The following MPHOSPH9 variants were observed in gnomAD, a reference collection of about 807,000 sequenced individuals.
MPHOSPH9 encodes the protein M-phase phosphoprotein 9.
A neutral mutation model predicts 145.5 loss-of-function variants in MPHOSPH9; 88 were observed. The ratio of observed to expected loss-of-function variants is 0.60; its 90% CI spans 0.51 to 0.72. The LOEUF (loss-of-function observed/expected upper bound fraction) is 0.72. MPHOSPH9 is among the 30% of genes least tolerant of loss of function. The pLI is 0.00. For missense variants in MPHOSPH9, 1,238 were observed against 1,386.6 expected (o/e 0.89, Z 1.70); for synonymous variants, 435 against 486.2 (o/e 0.89, Z 1.39).
chr12:123,226,457 T>A (rs1009211935), intron 3 of MPHOSPH9: 12 of 294,768 alleles, frequency 4.1e-5, no homozygotes, highest in African/African-American at 2.7e-4. Flanking sequence ...TATAAAAAAC[T>A]ATCAAATCCA....
At chr12:123,218,903 T>C (rs1338042613) in intron 5 of MPHOSPH9, among the ~76,000 whole-genome samples, 2 of 151,700 alleles carry the variant, frequency 1.3e-5, no homozygotes, top group Non-Finnish European at 2.9e-5. Context: ...TTTTGTTTGT[T>C]TGTTTGTTTG....
intron 6 of MPHOSPH9, among the ~76,000 whole-genome samples, chr12:123,215,757 C>T (rs1335084814): frequency 6.6e-6 from 1 of 152,162 alleles, no homozygotes; most frequent in African/African-American, 2.4e-5. Context: ...TATCAGGTCC[C>T]TCATGAAACT....
At chr12:123,213,577 G>T (rs2046836244) in intron 7 of MPHOSPH9, among the ~76,000 whole-genome samples, 1 of 152,044 alleles carries the variant, frequency 6.6e-6, no homozygotes, top group Non-Finnish European at 1.5e-5. Flanking sequence ...GGCCTCAAGC[G>T]ATCCTCATAC....
chr12:123,189,185 A>G (rs1652519923), intron 13 of MPHOSPH9, among the ~76,000 whole-genome samples: 1 of 152,184 alleles, frequency 6.6e-6, no homozygotes, highest in Non-Finnish European at 1.5e-5. Context: ...ACCTAACCAC[A>G]TAGAGAGGAA....
chr12:123,195,207 T>C (rs979686776), intron 12 of MPHOSPH9, among the ~76,000 whole-genome samples: 4 of 152,178 alleles, frequency 2.6e-5, no homozygotes, highest in Non-Finnish European at 5.9e-5. Flanking sequence ...AGGGAAATTA[T>C]TTGAAAGTAT....
chr12:123,224,199 A>T (rs1221482336), intron 3 of MPHOSPH9, among the ~76,000 whole-genome samples: 3 of 138,592 alleles, frequency 2.2e-5, no homozygotes, highest in South Asian at 4.4e-4. Flanking sequence ...CAGTGGCATG[A>T]TCTCGGCTCA....
intron 3 of MPHOSPH9, among the ~76,000 whole-genome samples, chr12:123,224,623 C>T (rs1357091216): frequency 2.6e-5 from 4 of 152,146 alleles, no homozygotes; most frequent in Non-Finnish European, 5.9e-5. Flanking sequence ...TCTGTGAGGT[C>T]ACGGTCATGA....
At chr12:123,163,758 C>T (rs1005590896) in intron 19 of MPHOSPH9, 192 bp downstream of exon 19, 2 of 505,188 alleles carry the variant, frequency 4.0e-6, no homozygotes, top group South Asian at 4.9e-5. Flanking sequence ...TCTTCATTTA[C>T]ATTTGTAGTA....
chr12:123,212,595 T>A (rs897748179), intron 7 of MPHOSPH9, among the ~76,000 whole-genome samples: 1 of 151,280 alleles, frequency 6.6e-6, no homozygotes, highest in African/African-American at 2.4e-5. Context: ...TAATCCCAGT[T>A]TGGGAAGCTG....
At position 123,218,539 on chromosome 12, in the gene MPHOSPH9, G is replaced by A. The variant is rs1287462427; in HGVS notation, c.873-40C>T. On this transcript the variant is annotated intron_variant, in intron 5 of 23. Transcript: ENST00000606320. ...AAAACCAAAATTACTTTTTTTTTTT[G>A]TTTTGAGACAGAGTCTTGCTGTGTC... is the stretch of plus-strand genomic sequence containing the variant. 1.9e-6 allele frequency: 3 copies of A among 1,574,948 alleles called. No individual in the cohort carries two copies. The South Asian group carries it at 3.4e-5, about 18-fold the overall frequency.
rs2047205296 is a variant in MPHOSPH9, at chr12:123,221,654, C to T, written c.590G>A (p.Ser197Asn). 6.2e-7 allele frequency: 1 copy of T among 1,614,084 alleles called. No individual in the cohort carries two copies. Among genetic ancestry groups the T allele is most frequent in the African/African-American group, 1.3e-5 (1 of 74,940 alleles). ...TGAGATACAAAAGGTGCCATATCCA[C>T]TGCTTACTGAGCAACTATCCACATT... ...DCNVDSCSVS[S>N]GYGTFCISEL... is the part of the protein sequence containing the mutation. The change falls in exon 5 of 24, where the codon AGT (serine) becomes AAT (asparagine). Residue 197 changes from serine (S) to asparagine (N), a missense_variant. Ser to Asn is a conservative substitution (Grantham distance 46). Around this residue, in one of 3 missense-constraint regions of MPHOSPH9, gnomAD observed 837 missense variants for 897.5 expected, o/e 0.93. Coordinates refer to ENST00000606320, the MANE Select transcript of MPHOSPH9 (RefSeq NM_022782.4).
At chr12:123,217,720 A>G (rs2138549783) in intron 6 of MPHOSPH9, among the ~76,000 whole-genome samples, 1 of 152,130 alleles carries the variant, frequency 6.6e-6, no homozygotes, top group East Asian at 1.9e-4. Flanking sequence ...GCAAATCATT[A>G]TTTCTAATCC....
Position 123,156,824 on chromosome 12 carries a change from T to C in MPHOSPH9, c.3535A>G (p.Thr1179Ala). 6.2e-7 allele frequency: 1 copy of C among 1,611,712 alleles called. No individual in the cohort carries two copies. The highest frequency in any genetic ancestry group is 2.2e-5 in the East Asian group (1 of 44,828). The change falls in exon 24 of 24, where the codon ACC (threonine) becomes GCC (alanine). Residue 1179 changes from threonine (T) to alanine (A), a missense_variant. By Grantham distance (58) the Thr-to-Ala change is moderately conservative. This residue lies in a region of MPHOSPH9 where 393 missense variants were observed against 462.5 expected (regional missense o/e 0.85). Coordinates refer to ENST00000606320, the MANE Select transcript of MPHOSPH9 (RefSeq NM_022782.4). ...TACAAATCTCAAAGATTTGCAGAGG[T>C]GCGCAAAACATGGAATTTCTTTAGC... The part of the protein sequence containing the change: ...MTLKKFHVLR[T>A]SANL
At chr12:123,199,690 G>A (rs1210163539) in intron 11 of MPHOSPH9, among the ~76,000 whole-genome samples, 1 of 151,920 alleles carries the variant, frequency 6.6e-6, no homozygotes, top group Non-Finnish European at 1.5e-5. Flanking sequence ...CTACTCGGGA[G>A]GCTGAGGCAG....
At chr12:123,192,297 T>C (rs1333035416) in intron 13 of MPHOSPH9, among the ~76,000 whole-genome samples, 1 of 150,004 alleles carries the variant, frequency 6.7e-6, no homozygotes, top group Non-Finnish European at 1.5e-5. Context: ...CTACCAATGA[T>C]ACAAAAATTA....
At chr12:123,191,214 A>T (rs1309887194) in intron 13 of MPHOSPH9, among the ~76,000 whole-genome samples, 1 of 152,010 alleles carries the variant, frequency 6.6e-6, no homozygotes, top group Admixed American at 6.6e-5. Flanking sequence ...CCAGCTACTC[A>T]AGAGGCTGAG....
intron 7 of MPHOSPH9, among the ~76,000 whole-genome samples, chr12:123,210,675 G>C (rs111635726): frequency 9.2e-5 from 14 of 152,050 alleles, no homozygotes; most frequent in Middle Eastern, 3.4e-3. Flanking sequence ...CTGAGTGATA[G>C]AGTGAGTGAC....
chr12:123,183,547 C>CAAAAAAAAAAA (rs746928699), intron 13 of MPHOSPH9, among the ~76,000 whole-genome samples: 2 of 59,970 alleles, frequency 3.3e-5, no homozygotes, highest in Non-Finnish European at 5.5e-5. Flanking sequence ...GACTCTGTCT[C>CAAAAAAAAAAA]AAAAAAAAAA....
chr12:123,228,558 C>T (rs1202682742), intron 2 of MPHOSPH9, among the ~76,000 whole-genome samples: 1 of 151,976 alleles, frequency 6.6e-6, no homozygotes, highest in Non-Finnish European at 1.5e-5. Flanking sequence ...TGTGGTAGTG[C>T]GTGCCTGTAG....
Sources: gnomAD v4.1 joint callset for allele counts (sites outside exome capture counted in the v4.1 genomes callset) on GRCh38, gnomAD v4.1.1 for gene constraint, gnomAD v4.1.1 regional missense constraint, MANE v1.5 for transcripts, NCBI Gene and HGNC (gene_info 2026-07-23, HGNC 2026-07-21) for gene names.